ADGRV1: variants seen among roughly 807,000 people sequenced by gnomAD.
ADGRV1 encodes the protein G-protein coupled receptor 98.
ADGRV1 carries 359 observed loss-of-function variants against 596.2 expected under a neutral mutation model. The ratio of observed to expected loss-of-function variants is 0.60; its 90% CI spans 0.55 to 0.66. ADGRV1 has a LOEUF of 0.66. ADGRV1 is among the 30% of genes least tolerant of loss of function. The pLI is 0.00. For missense variants in ADGRV1, 7,274 were observed against 7,575.6 expected (o/e 0.96, Z 1.48); for synonymous variants, 2,681 against 2,679.2 (o/e 1.00, Z -0.02).
chr5:90,971,938 T>C (rs989592212), intron 84 of ADGRV1, among the ~76,000 whole-genome samples: 8 of 152,162 alleles, frequency 5.3e-5, no homozygotes, highest in African/African-American at 1.9e-4. Context: ...CCCATCAGTG[T>C]GCTGTATTCA....
chr5:90,694,049 C>T lies in ADGRV1; in HGVS notation c.7293C>T (p.Ala2431=), dbSNP rs77791584. ...GGAGAACTTGGATGAATGTCTCTGCCGTGGGGGAGCCCCTGTATACCTGTG... is the reference window on the plus strand; with the variant it reads ...GGAGAACTTGGATGAATGTCTCTGCTGTGGGGGAGCCCCTGTATACCTGTG... ...PLWRTWMNVS[A]VGEPLYTCAT... The change falls in exon 33 of 90, where the codon GCC becomes GCT. Residue 2431 remains alanine (A), a synonymous_variant. Coordinates refer to ENST00000405460, the MANE Select transcript of ADGRV1 (RefSeq NM_032119.4). 3,223 of 1,613,748 alleles carry T rather than the reference C, an allele frequency of 2.0e-3. 60 individuals are homozygous for T. The African/African-American group carries it at 0.037, about 19-fold the overall frequency.
intron 87 of ADGRV1, among the ~76,000 whole-genome samples, chr5:91,136,013 C>T (rs972281403): frequency 6.6e-6 from 1 of 152,092 alleles, no homozygotes; most frequent in African/African-American, 2.4e-5. Flanking sequence ...AAGCACAGCA[C>T]ATCTTGAGGA....
At chr5:91,152,252 A>T (rs1796124741) in intron 88 of ADGRV1, among the ~76,000 whole-genome samples, 1 of 152,222 alleles carries the variant, frequency 6.6e-6, no homozygotes, top group South Asian at 2.1e-4. Context: ...TTTACCAGTA[A>T]CCTAGAGGGA....
At chr5:90,596,428 C>G (rs1204024993) in intron 1 of ADGRV1, among the ~76,000 whole-genome samples, 1 of 151,812 alleles carries the variant, frequency 6.6e-6, no homozygotes, top group African/African-American at 2.4e-5. Context: ...CTTTGGGAGG[C>G]CAAGGCAGGC....
chr5:90,963,189 C>CT (rs912161094), intron 83 of ADGRV1, among the ~76,000 whole-genome samples: 21 of 152,138 alleles, frequency 1.4e-4, no homozygotes, highest in African/African-American at 4.8e-4. Flanking sequence ...ATAGATGCAC[C>CT]TTTGTAAAAA....
chr5:91,043,365 T>C (rs1371267238), intron 85 of ADGRV1, among the ~76,000 whole-genome samples: 1 of 152,126 alleles, frequency 6.6e-6, no homozygotes, highest in African/African-American at 2.4e-5. Flanking sequence ...TATTCTTATA[T>C]CTTGATGGTG....
At chr5:91,070,956 A>G (rs1011570413) in intron 85 of ADGRV1, among the ~76,000 whole-genome samples, 1 of 152,182 alleles carries the variant, frequency 6.6e-6, no homozygotes, top group African/African-American at 2.4e-5. Context: ...TTGCCTTTAA[A>G]CAATACCATC....
At chr5:90,925,499 T>A (rs1053899534) in intron 83 of ADGRV1, among the ~76,000 whole-genome samples, 2 of 152,244 alleles carry the variant, frequency 1.3e-5, no homozygotes, top group African/African-American at 4.8e-5. Flanking sequence ...GAGAGTTTGC[T>A]GAAGTTGCTT....
intron 59 of ADGRV1, among the ~76,000 whole-genome samples, chr5:90,771,713 A>G (rs1385031381): frequency 2.6e-5 from 4 of 152,168 alleles, no homozygotes; most frequent in Non-Finnish European, 5.9e-5. Flanking sequence ...ATATAGTACC[A>G]TTTCTCAAAC....
At chr5:90,692,008 G>A (rs1746538342) in intron 31 of ADGRV1, among the ~76,000 whole-genome samples, 1 of 151,972 alleles carries the variant, frequency 6.6e-6, no homozygotes, top group Non-Finnish European at 1.5e-5. Flanking sequence ...ACTTTTGATA[G>A]CATTTATTCT....
intron 70 of ADGRV1, among the ~76,000 whole-genome samples, chr5:90,802,073 C>T (rs1761435240): frequency 6.6e-6 from 1 of 152,224 alleles, no homozygotes; most frequent in African/African-American, 2.4e-5. Flanking sequence ...GGAGCTGACA[C>T]TTTGCCAGAG....
rs61731030 is a variant in ADGRV1 at position 90,802,875 on chromosome 5, A to G, written c.14654A>G (p.Asn4885Ser). ...AVLPVSEKAA[N>S]SQVGFESTAF... ...CTTCCAGTCTCTGAGAAAGCTGCCA[A>G]TTCTCAGGTAATTGGCCCTGTGTGT... The change falls in exon 71 of 90, where the codon AAT becomes AGT. Residue 4885 changes from asparagine (N) to serine (S), a missense_variant. By Grantham distance (46) the Asn-to-Ser change is conservative. Transcript: ENST00000405460. 1.1e-3 allele frequency: 1,702 copies of G among 1,604,042 alleles called. 17 individuals are homozygous for G. In the African/African-American group the frequency reaches 0.02, roughly 19 times the overall value.
intron 34 of ADGRV1, among the ~76,000 whole-genome samples, chr5:90,699,962 C>G (rs1747687680): frequency 6.6e-6 from 1 of 152,026 alleles, no homozygotes; most frequent in Admixed American, 6.5e-5. Context: ...CATGAGTGCT[C>G]CCTAGATTTT....
chr5:90,825,198 A>G (rs1057456847), intron 76 of ADGRV1, among the ~76,000 whole-genome samples: 4 of 152,110 alleles, frequency 2.6e-5, no homozygotes, highest in South Asian at 2.1e-4. Flanking sequence ...TGGCCTCCCA[A>G]TGTGCTGGGA....
intron 78 of ADGRV1, among the ~76,000 whole-genome samples, chr5:90,847,616 G>C (rs548241835): frequency 1.8e-4 from 27 of 152,292 alleles, no homozygotes; most frequent in African/African-American, 6.3e-4. Flanking sequence ...CACGGTGGTG[G>C]GGGGAGGCTC....
intron 6 of ADGRV1, among the ~76,000 whole-genome samples, chr5:90,626,839 G>T (rs1683590470): frequency 6.6e-6 from 1 of 152,094 alleles, no homozygotes; most frequent in Non-Finnish European, 1.5e-5. Flanking sequence ...AGATTCTTAG[G>T]TATTATTAGA....
chr5:90,830,212 T>C (rs149233188), intron 77 of ADGRV1, among the ~76,000 whole-genome samples: 29 of 152,254 alleles, frequency 1.9e-4, no homozygotes, highest in African/African-American at 6.0e-4. Flanking sequence ...GTAAAACTTA[T>C]CTTTACGACA....
At chr5:90,880,302 T>C (rs1769637121) in intron 83 of ADGRV1, among the ~76,000 whole-genome samples, 1 of 152,218 alleles carries the variant, frequency 6.6e-6, no homozygotes. Context: ...AATATGTATA[T>C]CATACATACA....
At chr5:90,607,721 G>A (rs1762278702) in intron 1 of ADGRV1, among the ~76,000 whole-genome samples, 1 of 152,138 alleles carries the variant, frequency 6.6e-6, no homozygotes, top group Admixed American at 6.5e-5. Context: ...AAGTTGACAA[G>A]CCACATCCTT....
Sources: allele counts gnomAD v4.1 joint callset (sites outside exome capture counted in the v4.1 genomes callset), GRCh38; gene constraint gnomAD v4.1.1; transcripts MANE v1.5; gene names NCBI Gene and HGNC (gene_info 2026-07-23, HGNC 2026-07-21).